The following CDH23 variants were observed in gnomAD, a reference collection of about 807,000 sequenced individuals.
The protein encoded by CDH23 is cadherin-23.
A neutral mutation model predicts 317.1 loss-of-function variants in CDH23; 189 were observed. That is an observed-to-expected ratio of 0.60 (90% CI 0.53 to 0.67). The LOEUF (loss-of-function observed/expected upper bound fraction) is 0.67. Ranked by LOEUF, CDH23 falls within the 30% of genes least tolerant of loss-of-function variation. The pLI is 0.00. For synonymous variants in CDH23, 1,839 were observed against 1,876.8 expected, an observed-to-expected ratio of 0.98 and a Z score of 0.52; for missense variants, 4,401 against 4,592.4, an observed-to-expected ratio of 0.96 and a Z score of 1.20.
At chr10:71,596,310 A>T (rs1048432529) in intron 9 of CDH23, among the ~76,000 whole-genome samples, 4 of 152,184 alleles carry the variant, frequency 2.6e-5, no homozygotes, top group Middle Eastern at 3.2e-3. Context: ...AAGGAAATTG[A>T]GGCTCAGAAA....
chr10:71,660,351 G>A (rs576098753), intron 14 of CDH23, among the ~76,000 whole-genome samples: 2 of 152,250 alleles, frequency 1.3e-5, no homozygotes, highest in South Asian at 2.1e-4. Flanking sequence ...GTTTAAATAC[G>A]ATCAAGGTGT....
Position 71,807,847 on chromosome 10 carries a change from G to A in CDH23, c.8562G>A (p.Gly2854=). ...PRFTKAEYTA[G]VATDAKVGSE... is the part of the protein sequence containing the mutation. ...TACACCACCTGCCTCTTCCTGCAGG[G>A]GTGGCCACCGACGCCAAGGTGGGCT... The change falls in exon 60 of 70, where the codon GGG becomes GGA. Residue 2854 remains glycine (G), a splice_region_variant and synonymous_variant. Coordinates refer to ENST00000224721, the MANE Select transcript of CDH23 (RefSeq NM_022124.6). The A allele has an allele frequency of 6.2e-7, 1 of 1,600,074 alleles. No individual in the cohort carries two copies. Among genetic ancestry groups the A allele is most frequent in the Non-Finnish European group, 8.5e-7 (1 of 1,173,282 alleles).
intron 27 of CDH23, 32 bp from the exon 28 acceptor site, chr10:71,712,630 AGCT>A (rs1866020681): frequency 1.9e-6 from 3 of 1,609,102 alleles, no homozygotes; most frequent in Non-Finnish European, 2.5e-6. Flanking sequence ...TCTCTCAGGC[AGCT>A]GCTAACACCT....
rs550099249 is a variant in CDH23 at position 71,436,434 on chromosome 10, T to C, written c.-5-3393T>C. Reference sequence around the variant, plus strand: ...CCTGTGTTTTTTGTGTGATGCATATTGTGCTCCGTGAGGGAGGGGCCATGT... The same window carrying C: ...CCTGTGTTTTTTGTGTGATGCATATCGTGCTCCGTGAGGGAGGGGCCATGT... On this transcript the variant is annotated intron_variant, in intron 1 of 69. Coordinates refer to ENST00000224721, the MANE Select transcript of CDH23 (RefSeq NM_022124.6). Among the ~76,000 whole-genome samples, 15 of 152,330 alleles carry C rather than the reference T, an allele frequency of 9.8e-5. 1 individual carries two copies. The South Asian group carries it at 3.1e-3, about 32-fold the overall frequency.
rs745335718 is a variant in CDH23, at chr10:71,807,372, G to A, written c.8274G>A (p.Glu2758=). The stretch of plus-strand genomic sequence containing the variant: ...TGACAGGCGCAGTGGATGCAGATGA[G>A]GGCCCCAACGCGATCGTGTACTACT... ...GNVTGAVDAD[E]GPNAIVYYFI... Residue 2758 remains glutamate, a synonymous_variant, in exon 58 of 70, where the codon GAG becomes GAA. Transcript: ENST00000224721. 6.2e-7 allele frequency: 1 copy of A among 1,613,800 alleles called. No homozygotes were observed. Among genetic ancestry groups the A allele is most frequent in the Non-Finnish European group, 8.5e-7 (1 of 1,179,806 alleles).
chr10:71,614,289 G>T (rs1861065535), intron 9 of CDH23, among the ~76,000 whole-genome samples: 1 of 152,252 alleles, frequency 6.6e-6, no homozygotes, highest in Non-Finnish European at 1.5e-5. Flanking sequence ...CCAGCTCAGG[G>T]CCTGCTATAG....
rs545663281 is a variant in CDH23 at position 71,741,889 on chromosome 10, A to G, written c.4813A>G (p.Thr1605Ala). The G allele has an allele frequency of 2.3e-5, 37 of 1,607,308 alleles. No individual in the cohort carries two copies. Among genetic ancestry groups the G allele is most frequent in the African/African-American group, 4.0e-5 (3 of 74,956 alleles). ...ERQSFYHLVA[T>A]VEDEGTPTLS... Reference sequence around the variant, plus strand: ...CCAGAGCTTCTACCACCTGGTGGCCACTGTGGAGGACGAGGGCACCCCAAC... The same window carrying G: ...CCAGAGCTTCTACCACCTGGTGGCCGCTGTGGAGGACGAGGGCACCCCAAC... The change falls in exon 38 of 70, where the codon ACT becomes GCT. Residue 1605 changes from threonine to alanine, a missense_variant. By Grantham distance (58) the Thr-to-Ala change is moderately conservative. Around this residue, in one of 3 missense-constraint regions of CDH23, gnomAD observed 3,068 missense variants for 3,203.3 expected, o/e 0.96. Coordinates refer to ENST00000224721, the MANE Select transcript of CDH23 (RefSeq NM_022124.6).
chr10:71,756,915 A>G (rs1205588140), intron 38 of CDH23, among the ~76,000 whole-genome samples: 2 of 152,238 alleles, frequency 1.3e-5, no homozygotes, highest in Non-Finnish European at 2.9e-5. Flanking sequence ...GTTTGTTCAT[A>G]CTGCAAATGA....
At chr10:71,412,455 T>A (rs1167279365) in intron 1 of CDH23, among the ~76,000 whole-genome samples, 1 of 152,214 alleles carries the variant, frequency 6.6e-6, no homozygotes, top group Non-Finnish European at 1.5e-5. Context: ...TTTCTCCATT[T>A]CCTTACCAAC....
chr10:71,740,785 G>T, intron 36 of CDH23, 37 bp from the exon 37 acceptor site: 1 of 1,612,838 alleles, frequency 6.2e-7, no homozygotes, highest in Non-Finnish European at 8.5e-7. Flanking sequence ...TGCCCGCCAC[G>T]CTTTAGCCCT....
At chr10:71,682,330 C>T (rs1864686827) in intron 17 of CDH23, 115 bp from the exon 18 acceptor site, 1 of 1,383,720 alleles carries the variant, frequency 7.2e-7, no homozygotes. Flanking sequence ...AGAAAACAAG[C>T]CAGAGCTGGC....
chr10:71,719,010 T>C (rs1466726667), intron 28 of CDH23, among the ~76,000 whole-genome samples: 1 of 151,864 alleles, frequency 6.6e-6, no homozygotes, highest in Non-Finnish European at 1.5e-5. Context: ...CCCAAAAGTT[T>C]GAGGCTACAG....
At position 71,734,298 on chromosome 10, in the gene CDH23, CAGT is replaced by C. The variant is rs779373282; in HGVS notation, c.4164_4166del (p.Val1390del). 1 of 1,612,428 alleles carries C rather than the reference CAGT, an allele frequency of 6.2e-7. No homozygotes were observed. The highest frequency in any genetic ancestry group is 8.5e-7 in the Non-Finnish European group (1 of 1,179,248). On this transcript the variant is annotated inframe_deletion, in exon 33 of 70. Transcript: ENST00000224721. ...GAGAAGGGCGACTTCTATACCTTGA[CAGT>C]GGTGGCAGATGACGGCGGCCCCAAG...
rs201925753 is a variant in CDH23 at position 71,446,379 on chromosome 10, C to T, written c.129C>T (p.Ser43=). Residue 43 remains serine (S), a synonymous_variant, in exon 3 of 70, where the codon AGC becomes AGT. Coordinates refer to ENST00000224721, the MANE Select transcript of CDH23 (RefSeq NM_022124.6). ...TCTTTGATACATACCTGCTGATCAG[C>T]GAGGACACGCCTGTGGGTGAGTGGG... is the stretch of plus-strand genomic sequence containing the variant. The part of the protein sequence containing the change: ...NHFFDTYLLI[S]EDTPVGSSVT... 130 of 1,613,988 alleles carry T rather than the reference C, an allele frequency of 8.1e-5. No homozygotes were observed. The highest frequency in any genetic ancestry group is 1.3e-4 in the African/African-American group (10 of 75,034).
At chr10:71,558,107 C>T (rs1856958255) in intron 6 of CDH23, among the ~76,000 whole-genome samples, 1 of 152,114 alleles carries the variant, frequency 6.6e-6, no homozygotes, top group African/African-American at 2.4e-5. Flanking sequence ...AAGCGTTTCT[C>T]CTGCCTCAGC....
intron 1 of CDH23, among the ~76,000 whole-genome samples, chr10:71,398,359 C>T (rs1457224268): frequency 6.6e-6 from 1 of 152,208 alleles, no homozygotes; most frequent in East Asian, 1.9e-4. Context: ...ACATTGACCT[C>T]GCCTTCCAGC....
chr10:71,651,386 T>A (rs79101935), intron 14 of CDH23, among the ~76,000 whole-genome samples: 188 of 89,980 alleles, frequency 2.1e-3, no homozygotes, highest in African/African-American at 6.6e-3. Flanking sequence ...AAAAAAAAAA[T>A]GCCAGCTGTG....
intron 38 of CDH23, chr10:71,749,184 G>T (rs577240197): frequency 6.6e-6 from 1 of 152,442 alleles, no homozygotes; most frequent in African/African-American, 2.4e-5. Flanking sequence ...CCTGAGTTGG[G>T]AGAACCGGAA....
At chr10:71,586,404 T>C (rs1313373716) in intron 9 of CDH23, among the ~76,000 whole-genome samples, 1 of 152,238 alleles carries the variant, frequency 6.6e-6, no homozygotes, top group Non-Finnish European at 1.5e-5. Flanking sequence ...CTATTTTAAC[T>C]TGGTCCACCT....
Sources: gnomAD v4.1 joint callset for allele counts (sites outside exome capture counted in the v4.1 genomes callset) on GRCh38, gnomAD v4.1.1 for gene constraint, gnomAD v4.1.1 regional missense constraint, MANE v1.5 for transcripts, NCBI Gene and HGNC (gene_info 2026-07-23, HGNC 2026-07-21) for gene names.